The following DTNA variants were observed in gnomAD, a reference collection of about 807,000 sequenced individuals.
DTNA encodes the protein dystrobrevin alpha.
DTNA carries 43 observed loss-of-function variants against 100.7 expected under a neutral mutation model. The observed-to-expected ratio is 0.43, with a 90% confidence interval of 0.33 to 0.55. The LOEUF is 0.55. Ranked by LOEUF, DTNA falls within the 20% of genes least tolerant of loss-of-function variation. DTNA has a pLI of 0.04. For missense variants in DTNA, 798 were observed against 953.9 expected (o/e 0.84, Z 2.15); for synonymous variants, 349 against 347.9 (o/e 1.00, Z -0.04).
chr18:34,846,631 A>G (rs1386171042), intron 13 of DTNA, among the ~76,000 whole-genome samples: 1 of 152,118 alleles, frequency 6.6e-6, no homozygotes, highest in Admixed American at 6.6e-5. Flanking sequence ...TAGAGCAGAG[A>G]TAATGTAGAC....
chr18:34,666,938 G>GT (rs1210464278), intron 1 of DTNA, among the ~76,000 whole-genome samples: 1 of 152,024 alleles, frequency 6.6e-6, no homozygotes, highest in Non-Finnish European at 1.5e-5. Flanking sequence ...CTTTAAAGTA[G>GT]TTTTTTTCCA....
intron 1 of DTNA, among the ~76,000 whole-genome samples, chr18:34,648,877 C>T (rs1198658497): frequency 6.6e-6 from 1 of 152,088 alleles, no homozygotes; most frequent in Non-Finnish European, 1.5e-5. Context: ...TTTTTAAGTG[C>T]CCACACACAT....
At chr18:34,708,973 A>G (rs974121940), upstream of DTNA, among the ~76,000 whole-genome samples, 3 of 152,148 alleles carry the variant, frequency 2.0e-5, no homozygotes, top group Non-Finnish European at 4.4e-5. Flanking sequence ...GCCAGATTTC[A>G]AATCCGCATC....
intron 1 of DTNA, among the ~76,000 whole-genome samples, chr18:34,565,962 G>A (rs764868474): frequency 1.3e-5 from 2 of 152,150 alleles, no homozygotes; most frequent in African/African-American, 4.8e-5. Flanking sequence ...AGATGTGCAA[G>A]TCTTTCCCAT....
chr18:34,823,320 A>G (rs1017678360), intron 9 of DTNA, among the ~76,000 whole-genome samples: 3 of 152,230 alleles, frequency 2.0e-5, no homozygotes, highest in Non-Finnish European at 1.5e-5. Context: ...CTTCTTCCAA[A>G]TGTATGTAAA....
At chr18:34,680,425 A>G (rs538540736) in intron 1 of DTNA, among the ~76,000 whole-genome samples, 2 of 152,256 alleles carry the variant, frequency 1.3e-5, no homozygotes, top group Admixed American at 6.5e-5. Context: ...TCCTAAGTCT[A>G]GTTTTCAAAG....
chr18:34,841,359 T>C (rs1256689679), intron 13 of DTNA, among the ~76,000 whole-genome samples: 2 of 152,162 alleles, frequency 1.3e-5, no homozygotes, highest in African/African-American at 2.4e-5. Context: ...CTAGTGTTTT[T>C]ATTTGATTTT....
At chr18:34,499,550 T>G (rs1601132799) in intron 1 of DTNA, among the ~76,000 whole-genome samples, 1 of 152,204 alleles carries the variant, frequency 6.6e-6, no homozygotes, top group Non-Finnish European at 1.5e-5. Context: ...ATTACCAAAC[T>G]TTTCCAGAGT....
rs1431367134 is a variant in DTNA, at chr18:34,890,074, C to G, written c.*2340C>G. On this transcript the variant is annotated 3_prime_UTR_variant, in exon 23 of 23. Coordinates refer to ENST00000444659, the MANE Select transcript of DTNA (RefSeq NM_001386795.1). Reference sequence around the variant, plus strand: ...CCTGCACGTGGCACTCCACCACTGACTGGACCGAGCTGGCATATGTTGTTT... The same window carrying G: ...CCTGCACGTGGCACTCCACCACTGAGTGGACCGAGCTGGCATATGTTGTTT... 2 of 1,365,928 alleles carry G rather than the reference C, an allele frequency of 1.5e-6. No homozygotes were observed. Among genetic ancestry groups the G allele is most frequent in the Admixed American group, 3.2e-5 (1 of 31,386 alleles). 84.6% of individuals were successfully genotyped at this position (1,365,928 alleles called of 1,614,324 possible). A position where few individuals can be genotyped will look rare whatever the true frequency, so the allele number is the denominator to read the frequency against.
At chr18:34,761,541 G>A (rs1293555570) in intron 2 of DTNA, among the ~76,000 whole-genome samples, 1 of 152,074 alleles carries the variant, frequency 6.6e-6, no homozygotes, top group African/African-American at 2.4e-5. Flanking sequence ...AGGGAGAAGA[G>A]AAGAAAGAGA....
At chr18:34,557,032 T>C (rs1301555703) in intron 1 of DTNA, among the ~76,000 whole-genome samples, 2 of 150,632 alleles carry the variant, frequency 1.3e-5, no homozygotes, top group Non-Finnish European at 2.9e-5. Context: ...TTTGGTCTTT[T>C]CACATAGTCC....
chr18:34,834,432 G>A (rs2096088198), intron 11 of DTNA, among the ~76,000 whole-genome samples: 4 of 152,138 alleles, frequency 2.6e-5, no homozygotes, highest in South Asian at 2.1e-4. Flanking sequence ...GAACCCAGGA[G>A]GCGGAGGTTG....
chr18:34,788,072 T>TAGC (rs903869303), intron 3 of DTNA, among the ~76,000 whole-genome samples: 48 of 152,344 alleles, frequency 3.2e-4, no homozygotes, highest in African/African-American at 1.1e-3. Flanking sequence ...CTGTGCCTAG[T>TAGC]AGCAGGTGCT....
At chr18:34,549,156 A>C (rs2045124972) in intron 1 of DTNA, among the ~76,000 whole-genome samples, 1 of 151,942 alleles carries the variant, frequency 6.6e-6, no homozygotes, top group South Asian at 2.1e-4. Context: ...TCAGCAGAGC[A>C]TTGTCATTTC....
chr18:34,681,177 GTTTTC>G (rs1334654962), intron 1 of DTNA, among the ~76,000 whole-genome samples: 1 of 151,934 alleles, frequency 6.6e-6, no homozygotes, highest in Non-Finnish European at 1.5e-5. Flanking sequence ...TACTTAGAAT[GTTTTC>G]TTTTATCTTG....
At chr18:34,536,652 A>T (rs963966869) in intron 1 of DTNA, among the ~76,000 whole-genome samples, 2 of 151,996 alleles carry the variant, frequency 1.3e-5, no homozygotes, top group African/African-American at 4.8e-5. Context: ...TATCTAGGAA[A>T]CAGTTCACTT....
intron 1 of DTNA, among the ~76,000 whole-genome samples, chr18:34,637,081 A>G (rs553582468): frequency 3.3e-5 from 5 of 152,196 alleles, no homozygotes; most frequent in Non-Finnish European, 7.3e-5. Flanking sequence ...AAATAAATAA[A>G]TGCTGTACTT....
chr18:34,745,667 T>C (rs2091452745), intron 1 of DTNA, among the ~76,000 whole-genome samples: 1 of 152,190 alleles, frequency 6.6e-6, no homozygotes, highest in African/African-American at 2.4e-5. Context: ...CCAGCAAGCT[T>C]CTTGCCCTGT....
At chr18:34,561,375 T>C (rs2046621620) in intron 1 of DTNA, among the ~76,000 whole-genome samples, 1 of 152,184 alleles carries the variant, frequency 6.6e-6, no homozygotes, top group East Asian at 1.9e-4. Flanking sequence ...TCTCAGGATA[T>C]TTTTTCATGT....
Sources: gnomAD v4.1 joint callset for allele counts (sites outside exome capture counted in the v4.1 genomes callset) on GRCh38, gnomAD v4.1.1 for gene constraint, MANE v1.5 for transcripts, NCBI Gene and HGNC (gene_info 2026-07-23, HGNC 2026-07-21) for gene names.